UBE2R2: variants seen among roughly 807,000 people sequenced by gnomAD.
UBE2R2 encodes the protein ubiquitin conjugating enzyme E2 R2.
A neutral mutation model predicts 27.8 loss-of-function variants in UBE2R2; 1 was observed. That is an observed-to-expected ratio of 0.04 (90% CI 0.01 to 0.17). UBE2R2 has a LOEUF of 0.17. UBE2R2 is among the 10% of genes least tolerant of loss of function. The probability of loss-of-function intolerance (pLI) is 1.00; values close to 1 mark genes in which losing one functional copy is unlikely to be tolerated. For missense variants in UBE2R2, 100 were observed against 291.0 expected (o/e 0.34, Z 4.78); for synonymous variants, 106 against 113.3 (o/e 0.94, Z 0.41).
chr9:33,856,951 C>T (rs1221713019), intron 1 of UBE2R2, among the ~76,000 whole-genome samples: 1 of 135,630 alleles, frequency 7.4e-6, no homozygotes, highest in Non-Finnish European at 1.5e-5. Flanking sequence ...GGCTGGAGTG[C>T]AGTGGCTCAA....
intron 4 of UBE2R2, 149 bp from the exon 5 acceptor site, chr9:33,916,869 G>A (rs1275910035): frequency 1.4e-5 from 18 of 1,260,926 alleles, no homozygotes; most frequent in African/African-American, 3.0e-5. Context: ...AGCATTTGGT[G>A]TAGTACAGGG....
chr9:33,865,143 AGCCACTG>A (rs1281224949), intron 1 of UBE2R2, among the ~76,000 whole-genome samples: 1 of 151,238 alleles, frequency 6.6e-6, no homozygotes, highest in Non-Finnish European at 1.5e-5. Flanking sequence ...TTGCAGTGTG[AGCCACTG>A]TGCCCAACTT....
At chr9:33,835,984 T>G (rs775866024) in intron 1 of UBE2R2, among the ~76,000 whole-genome samples, 5 of 152,144 alleles carry the variant, frequency 3.3e-5, no homozygotes, top group Non-Finnish European at 7.4e-5. Context: ...GTTTCAAAGG[T>G]CAAAAAGTTA....
At chr9:33,908,262 C>A (rs1307915994) in intron 3 of UBE2R2, among the ~76,000 whole-genome samples, 1 of 152,226 alleles carries the variant, frequency 6.6e-6, no homozygotes, top group Non-Finnish European at 1.5e-5. Flanking sequence ...TCACAGGTGT[C>A]CATCTAATCA....
intron 1 of UBE2R2, among the ~76,000 whole-genome samples, chr9:33,869,906 G>A (rs1264066929): frequency 1.3e-5 from 2 of 151,974 alleles, no homozygotes; most frequent in African/African-American, 2.4e-5. Context: ...GAGTGCAATG[G>A]CGCGATCTCG....
chr9:33,885,782 A>G (rs1318288986), intron 1 of UBE2R2, among the ~76,000 whole-genome samples: 1 of 152,192 alleles, frequency 6.6e-6, no homozygotes, highest in Non-Finnish European at 1.5e-5. Flanking sequence ...TCTGAAAATG[A>G]TGCTTATAAT....
chr9:33,905,920 T>G (rs564526393), intron 3 of UBE2R2, among the ~76,000 whole-genome samples: 3 of 152,250 alleles, frequency 2.0e-5, no homozygotes, highest in African/African-American at 7.2e-5. Context: ...AGGATTTAGG[T>G]TTGGCTCCAG....
At chr9:33,913,181 G>A (rs1012421821) in intron 4 of UBE2R2, among the ~76,000 whole-genome samples, 3 of 151,834 alleles carry the variant, frequency 2.0e-5, no homozygotes, top group Non-Finnish European at 4.4e-5. Context: ...AGCTAGTCTC[G>A]AACTCCTGAC....
rs1161373790 is a variant in UBE2R2 at position 33,918,346 on chromosome 9, T to A, written c.*1109T>A. 6.6e-6 allele frequency: 1 copy of A among 152,030 alleles called. No individual in the cohort carries two copies. Among genetic ancestry groups the A allele is most frequent in the Non-Finnish European group, 1.5e-5 (1 of 68,016 alleles). 9.4% of individuals were successfully genotyped at this position (152,030 alleles called of 1,614,324 possible). ...TTATACTGATAGTGAAAAACTTGGATGTGTGTGAGACGAGTTACCGCCTTC... is the reference window on the plus strand; with the variant it reads ...TTATACTGATAGTGAAAAACTTGGAAGTGTGTGAGACGAGTTACCGCCTTC... On this transcript the variant is annotated 3_prime_UTR_variant, in exon 5 of 5. Transcript: ENST00000263228.
chr9:33,899,805 A>G (rs1403405950), intron 2 of UBE2R2, among the ~76,000 whole-genome samples: 2 of 152,268 alleles, frequency 1.3e-5, no homozygotes, highest in Non-Finnish European at 2.9e-5. Flanking sequence ...GCCCCAGTCA[A>G]TTTTTTATCA....
At chr9:33,836,914 G>C (rs923690879) in intron 1 of UBE2R2, among the ~76,000 whole-genome samples, 5 of 152,116 alleles carry the variant, frequency 3.3e-5, no homozygotes, top group African/African-American at 1.2e-4. Context: ...GGACATTACT[G>C]TATTGGGTTC....
At chr9:33,827,050 C>T (rs1400035983) in intron 1 of UBE2R2, among the ~76,000 whole-genome samples, 1 of 151,992 alleles carries the variant, frequency 6.6e-6, no homozygotes, top group Non-Finnish European at 1.5e-5. Context: ...TGCAGTGAGC[C>T]GAGATCGCGC....
intron 1 of UBE2R2, among the ~76,000 whole-genome samples, chr9:33,883,934 G>C (rs969520785): frequency 6.6e-6 from 1 of 151,926 alleles, no homozygotes; most frequent in African/African-American, 2.4e-5. Flanking sequence ...AGGCCGAGGC[G>C]TGGGGATTGC....
At chr9:33,916,868 T>A in intron 4 of UBE2R2, 150 bp from the exon 5 acceptor site, 1 of 1,256,234 alleles carries the variant, frequency 8.0e-7, no homozygotes, top group Non-Finnish European at 1.1e-6. Context: ...AAGCATTTGG[T>A]GTAGTACAGG....
At chr9:33,835,145 G>GGT (rs370351221) in intron 1 of UBE2R2, among the ~76,000 whole-genome samples, 4 of 112,110 alleles carry the variant, frequency 3.6e-5, no homozygotes, top group South Asian at 3.0e-4. Context: ...CTAAGTGTAG[G>GGT]TTTTTTTTTT....
At chr9:33,912,611 G>A (rs1348664140) in intron 4 of UBE2R2, among the ~76,000 whole-genome samples, 6 of 149,302 alleles carry the variant, frequency 4.0e-5, no homozygotes, top group Admixed American at 6.7e-5. Flanking sequence ...GCGACAGTGC[G>A]AGACTCCATC....
chr9:33,854,341 C>T (rs182396517), intron 1 of UBE2R2, among the ~76,000 whole-genome samples: 9 of 150,472 alleles, frequency 6.0e-5, no homozygotes, highest in East Asian at 3.9e-4. Flanking sequence ...TTTTTCGAGA[C>T]GGCGTTTCAC....
At chr9:33,829,174 CTG>C (rs557682687) in intron 1 of UBE2R2, among the ~76,000 whole-genome samples, 22 of 152,000 alleles carry the variant, frequency 1.4e-4, no homozygotes, top group Non-Finnish European at 2.8e-4. Context: ...GGCCTTTTGT[CTG>C]TTGAATCCAC....
chr9:33,855,813 C>CA (rs1419738912), intron 1 of UBE2R2, among the ~76,000 whole-genome samples: 1 of 152,248 alleles, frequency 6.6e-6, no homozygotes, highest in African/African-American at 2.4e-5. Context: ...CAAGGTGCCT[C>CA]ATGCCTGTAA....
Sources: gnomAD v4.1 joint callset for allele counts (sites outside exome capture counted in the v4.1 genomes callset) on GRCh38, gnomAD v4.1.1 for gene constraint, MANE v1.5 for transcripts, NCBI Gene and HGNC (gene_info 2026-07-23, HGNC 2026-07-21) for gene names.